The following HDGFL3 variants were observed in gnomAD, a reference collection of about 807,000 sequenced individuals.
HDGFL3 encodes hepatoma-derived growth factor-related protein 3.
A neutral mutation model predicts 27.6 loss-of-function variants in HDGFL3; 6 were observed. The observed-to-expected ratio is 0.22, with a 90% confidence interval of 0.12 to 0.43. HDGFL3 has a LOEUF of 0.43. HDGFL3 is among the 20% of genes least tolerant of loss of function. The pLI is 1.00. For missense variants in HDGFL3, 207 were observed against 250.1 expected (o/e 0.83, Z 1.16); for synonymous variants, 88 against 88.9 (o/e 0.99, Z 0.05).
rs531588296 is a variant in HDGFL3 at position 83,131,315 on chromosome 15, T to C, written c.*7955A>G. On this transcript the variant is annotated 3_prime_UTR_variant, in exon 6 of 6. Coordinates refer to ENST00000299633, the MANE Select transcript of HDGFL3 (RefSeq NM_016073.4). The stretch of plus-strand genomic sequence containing the variant: ...AAAACCACCTTTGAAAAGTTCTAGA[T>C]CAGTATAGGCCAATGGAAGAAATAT... 2.0e-5 allele frequency: 3 copies of C among 151,938 alleles called. No individual in the cohort carries two copies. The highest frequency in any genetic ancestry group is 6.6e-5 in the Admixed American group (1 of 15,238). The allele number at this position is 151,938 out of a possible 1,614,324, so 9.4% of individuals were successfully genotyped here.
In HDGFL3 at chr15:83,131,777, T is replaced by C. The variant is rs994726626; in HGVS notation, c.*7493A>G. The C allele has an allele frequency of 1.3e-5, 2 of 152,228 alleles. No individual in the cohort carries two copies. The highest frequency in any genetic ancestry group is 2.9e-5 in the Non-Finnish European group (2 of 68,044). 9.4% of individuals were successfully genotyped at this position (152,228 alleles called of 1,614,324 possible). ...AATAAAATGAAACCAGGACACATTT[T>C]AGACCAAAGAGTTCCACTGGGGACT... On this transcript the variant is annotated 3_prime_UTR_variant, in exon 6 of 6. Coordinates refer to ENST00000299633, the MANE Select transcript of HDGFL3 (RefSeq NM_016073.4).
chr15:83,177,952 A>G (rs951359156), intron 1 of HDGFL3, among the ~76,000 whole-genome samples: 2 of 152,224 alleles, frequency 1.3e-5, no homozygotes, highest in African/African-American at 2.4e-5. Context: ...TGCATATGCA[A>G]GATGATGGAT....
chr15:83,123,409 C>T (rs2035449778), downstream of HDGFL3, among the ~76,000 whole-genome samples: 1 of 152,206 alleles, frequency 6.6e-6, no homozygotes, highest in Non-Finnish European at 1.5e-5. Context: ...GGTGAAACAG[C>T]ACTGGCCTGG....
At chr15:83,154,154 GA>G (rs112602888) in intron 4 of HDGFL3, among the ~76,000 whole-genome samples, 293 of 136,406 alleles carry the variant, frequency 2.1e-3, no homozygotes, top group Non-Finnish European at 2.5e-3. Context: ...GTCTCTACTG[GA>G]AAAAAAAAAA....
At position 83,133,600 on chromosome 15, in the gene HDGFL3, G is replaced by A. The variant is rs2036406464; in HGVS notation, c.*5670C>T. On this transcript the variant is annotated 3_prime_UTR_variant, in exon 6 of 6. Coordinates refer to ENST00000299633, the MANE Select transcript of HDGFL3 (RefSeq NM_016073.4). ...TTGCTAAATTCTGGAGAAATTTCTA[G>A]GATCAACAACTCATATCTGTAATCC... The A allele has an allele frequency of 1.3e-5, 2 of 152,130 alleles. No individual in the cohort carries two copies. Among genetic ancestry groups the A allele is most frequent in the African/African-American group, 2.4e-5 (1 of 41,410 alleles). 9.4% of individuals were successfully genotyped at this position (152,130 alleles called of 1,614,324 possible). A position where few individuals can be genotyped will look rare whatever the true frequency, so the allele number is the denominator to read the frequency against.
chr15:83,203,474 C>G (rs1783438352), intron 1 of HDGFL3, among the ~76,000 whole-genome samples: 1 of 151,974 alleles, frequency 6.6e-6, no homozygotes, highest in Non-Finnish European at 1.5e-5. Flanking sequence ...ACTGAACTAG[C>G]TCTCACCAAA....
intron 1 of HDGFL3, among the ~76,000 whole-genome samples, chr15:83,181,304 A>C (rs2037378735): frequency 6.6e-6 from 1 of 152,182 alleles, no homozygotes; most frequent in African/African-American, 2.4e-5. Flanking sequence ...AGCATGTTAC[A>C]CTGCTGATTC....
At chr15:83,126,717 T>G (rs771184315), downstream of HDGFL3, 1 of 1,528,142 alleles carries the variant, frequency 6.5e-7, no homozygotes, top group Non-Finnish European at 9.0e-7. Context: ...GAACCAGATG[T>G]GATTGTATTT....
chr15:83,126,935 G>A (rs563653192), downstream of HDGFL3: 1,026 of 1,023,872 alleles, frequency 1.0e-3, 7 homozygotes, highest in Middle Eastern at 7.0e-3. Context: ...GCTCACGCCT[G>A]TAATCCCAGC....
intron 1 of HDGFL3, among the ~76,000 whole-genome samples, chr15:83,172,201 A>G (rs2037254288): frequency 1.3e-5 from 2 of 152,176 alleles, no homozygotes; most frequent in African/African-American, 4.8e-5. Context: ...CTTATAAATA[A>G]AGGGGGCTGG....
At chr15:83,119,757 T>G in intron 3 of HDGFL3, 1 of 1,597,344 alleles carries the variant, frequency 6.3e-7, no homozygotes, top group Non-Finnish European at 8.5e-7. Context: ...ACGTTATGCA[T>G]AGAGGCAAAT....
chr15:83,187,002 G>A (rs1323464505), intron 1 of HDGFL3, among the ~76,000 whole-genome samples: 7 of 152,042 alleles, frequency 4.6e-5, no homozygotes, highest in African/African-American at 1.7e-4. Flanking sequence ...GAAAAAAAAT[G>A]GTGATGAATA....
At position 83,132,810 on chromosome 15, in the gene HDGFL3, T is replaced by C. The variant is rs777882025; in HGVS notation, c.*6460A>G. 6.6e-6 allele frequency: 1 copy of C among 152,202 alleles called. No homozygotes were observed. The highest frequency in any genetic ancestry group is 2.1e-4 in the South Asian group (1 of 4,830). 9.4% of individuals were successfully genotyped at this position (152,202 alleles called of 1,614,324 possible). ...CTAATGCAAATCTTGTTTTCTTCAT[T>C]TGCTTCTGGTGTGATTCATTGCTAA... On this transcript the variant is annotated 3_prime_UTR_variant, in exon 6 of 6. Transcript: ENST00000299633.
Position 83,157,427 on chromosome 15 carries a change from T to C in HDGFL3, c.447A>G (p.Ser149=). The C allele has an allele frequency of 6.2e-7, 1 of 1,613,010 alleles. No homozygotes were observed. Among genetic ancestry groups the C allele is most frequent in the Non-Finnish European group, 8.5e-7 (1 of 1,179,190 alleles). Residue 149 remains serine (S), a synonymous_variant, in exon 4 of 6, where the codon TCA becomes TCG. Coordinates refer to ENST00000299633, the MANE Select transcript of HDGFL3 (RefSeq NM_016073.4). The part of the protein sequence containing the change: ...NEKAGSKRKK[S]YTSKKSSKQS... The stretch of plus-strand genomic sequence containing the variant: ...GTTTCTTAGTAACCTTTGAAGTATA[T>C]GACTTTTTCCGTTTTGAGCCTGCTT...
chr15:83,161,237 G>A (rs940460432), intron 2 of HDGFL3, among the ~76,000 whole-genome samples: 1 of 152,040 alleles, frequency 6.6e-6, no homozygotes, highest in Admixed American at 6.6e-5. Context: ...GGGGAGAAAG[G>A]GTCTCTCACT....
intron 1 of HDGFL3, among the ~76,000 whole-genome samples, chr15:83,186,958 T>A (rs2037450697): frequency 6.6e-6 from 1 of 152,164 alleles, no homozygotes; most frequent in Non-Finnish European, 1.5e-5. Context: ...CTGATCAATA[T>A]TAGCATTCTC....
intron 1 of HDGFL3, among the ~76,000 whole-genome samples, chr15:83,171,239 A>C (rs1318672874): frequency 6.8e-6 from 1 of 147,108 alleles, no homozygotes; most frequent in East Asian, 2.1e-4. Flanking sequence ...AAAATTAAAA[A>C]ACAATGGATG....
chr15:83,129,863 C>CT lies in HDGFL3; in HGVS notation c.*9406dup, dbSNP rs1047516478. On this transcript the variant is annotated 3_prime_UTR_variant, in exon 6 of 6. Transcript: ENST00000299633. ...GGTCTGAGGGCAGAGTAAGCCTTGCCTTTTTTTTTGGCCTGGTTCCTCTGC... is the reference window on the plus strand; with the variant it reads ...GGTCTGAGGGCAGAGTAAGCCTTGCCTTTTTTTTTTGGCCTGGTTCCTCTGC... 51 of 151,344 alleles carry CT rather than the reference C, an allele frequency of 3.4e-4. No homozygotes were observed. The highest frequency in any genetic ancestry group is 8.4e-4 in the South Asian group (4 of 4,772). 9.4% of individuals were successfully genotyped at this position (151,344 alleles called of 1,614,324 possible). A position where few individuals can be genotyped will look rare whatever the true frequency, so the allele number is the denominator to read the frequency against.
At position 83,157,317 on chromosome 15, in the gene HDGFL3, T is replaced by C. The variant is rs776635180; in HGVS notation, c.459+98A>G. The stretch of plus-strand genomic sequence containing the variant: ...AAGGCAGAGGCTCCATAGAATTTAG[T>C]ATATTTCTATGTACCCAATAAACAC... On this transcript the variant is annotated intron_variant, in intron 4 of 5. Coordinates refer to ENST00000299633, the MANE Select transcript of HDGFL3 (RefSeq NM_016073.4). 5 of 1,187,876 alleles carry C rather than the reference T, an allele frequency of 4.2e-6. No individual in the cohort carries two copies. The African/African-American group carries it at 4.5e-5, about 11-fold the overall frequency. 73.6% of individuals were successfully genotyped at this position (1,187,876 alleles called of 1,614,324 possible). A position where few individuals can be genotyped will look rare whatever the true frequency, so the allele number is the denominator to read the frequency against.
Sources: gnomAD v4.1 joint callset for allele counts (sites outside exome capture counted in the v4.1 genomes callset) on GRCh38, gnomAD v4.1.1 for gene constraint, MANE v1.5 for transcripts, NCBI Gene and HGNC (gene_info 2026-07-23, HGNC 2026-07-21) for gene names.